Variants in FRMD5 observed in about 807,000 individuals in gnomAD.
FRMD5 encodes FERM domain-containing protein 5.
A neutral mutation model predicts 69.0 loss-of-function variants in FRMD5; 20 were observed. That is an observed-to-expected ratio of 0.29 (90% CI 0.20 to 0.42). FRMD5 has a LOEUF of 0.42. FRMD5 is among the 10% of genes least tolerant of loss of function. The pLI is 1.00. For missense variants in FRMD5, 595 were observed against 708.6 expected (o/e 0.84, Z 1.82); for synonymous variants, 271 against 260.1 (o/e 1.04, Z -0.40).
intron 1 of FRMD5, among the ~76,000 whole-genome samples, chr15:44,103,091 A>G (rs767957746): frequency 2.0e-5 from 3 of 152,186 alleles, no homozygotes; most frequent in Non-Finnish European, 4.4e-5. Flanking sequence ...TCAATTAGGA[A>G]GAAAAACCTC....
chr15:44,135,910 A>G (rs2077177283), intron 1 of FRMD5, among the ~76,000 whole-genome samples: 1 of 151,748 alleles, frequency 6.6e-6, no homozygotes, highest in Admixed American at 6.6e-5. Context: ...ATTTTTGCTT[A>G]TTTCCTGAAC....
At position 43,989,978 on chromosome 15, in the gene FRMD5, A is replaced by C. The variant is rs147504765; in HGVS notation, c.103-65669T>G. 5.2e-4 allele frequency: 535 copies of C among 1,023,448 alleles called. 4 individuals are homozygous for C. The African/African-American group carries it at 7.7e-3, about 15-fold the overall frequency. The allele number at this position is 1,023,448 out of a possible 1,614,324, so 63.4% of individuals were successfully genotyped here. A position where few individuals can be genotyped will look rare whatever the true frequency, so the allele number is the denominator to read the frequency against. On this transcript the variant is annotated intron_variant, in intron 1 of 13. Transcript: ENST00000417257. The stretch of plus-strand genomic sequence containing the variant: ...GTGACAATGTCCTGCTTGATGGGGT[A>C]CTTCAGGGTCAGGATGCCTCTCTTG...
chr15:43,896,085 C>T (rs1459923379), intron 7 of FRMD5, among the ~76,000 whole-genome samples: 1 of 152,182 alleles, frequency 6.6e-6, no homozygotes, highest in Non-Finnish European at 1.5e-5. Flanking sequence ...GAAATCAGTG[C>T]CCACAGGACT....
chr15:44,155,322 C>T (rs1430773790), intron 1 of FRMD5, among the ~76,000 whole-genome samples: 1 of 151,900 alleles, frequency 6.6e-6, no homozygotes, highest in Non-Finnish European at 1.5e-5. Flanking sequence ...GTCCCAGCTA[C>T]TCAGGAGGCT....
intron 1 of FRMD5, among the ~76,000 whole-genome samples, chr15:44,118,705 T>A (rs2076904481): frequency 6.6e-6 from 1 of 152,212 alleles, no homozygotes; most frequent in Non-Finnish European, 1.5e-5. Flanking sequence ...AATCTCAGAT[T>A]CAACCAGATC....
intron 1 of FRMD5, among the ~76,000 whole-genome samples, chr15:44,182,770 A>G (rs2078028180): frequency 6.6e-6 from 1 of 152,016 alleles, no homozygotes; most frequent in Non-Finnish European, 1.5e-5. Flanking sequence ...TTCACAGTAC[A>G]CTGAGAGACA....
At chr15:44,048,595 T>C (rs1374437904) in intron 1 of FRMD5, among the ~76,000 whole-genome samples, 1 of 152,078 alleles carries the variant, frequency 6.6e-6, no homozygotes. Flanking sequence ...TTTTTTGAGA[T>C]AGAGTCTCAC....
At chr15:44,079,248 C>G (rs565264801) in intron 1 of FRMD5, among the ~76,000 whole-genome samples, 6 of 150,586 alleles carry the variant, frequency 4.0e-5, no homozygotes, top group Non-Finnish European at 7.4e-5. Flanking sequence ...TGACTATTAT[C>G]AAAAAAAAAC....
chr15:43,917,762 G>T (rs1595516861), intron 4 of FRMD5: 2 of 152,422 alleles, frequency 1.3e-5, no homozygotes, highest in Non-Finnish European at 2.9e-5. Flanking sequence ...GATGGATTTG[G>T]TTTTCTGAAG....
chr15:43,943,967 C>G (rs2089903635), intron 1 of FRMD5, among the ~76,000 whole-genome samples: 1 of 152,194 alleles, frequency 6.6e-6, no homozygotes, highest in Admixed American at 6.5e-5. Flanking sequence ...ACCCCTCTTT[C>G]TACTTAGAGC....
intron 1 of FRMD5, among the ~76,000 whole-genome samples, chr15:43,960,071 C>G (rs1312633571): frequency 6.6e-6 from 1 of 151,872 alleles, no homozygotes; most frequent in Non-Finnish European, 1.5e-5. Flanking sequence ...ACATGCGCCA[C>G]CATGCCCAGC....
At chr15:44,154,252 A>C (rs183132446) in intron 1 of FRMD5, among the ~76,000 whole-genome samples, 1 of 152,016 alleles carries the variant, frequency 6.6e-6, no homozygotes, top group Non-Finnish European at 1.5e-5. Flanking sequence ...GAGCCTGGGG[A>C]GGTTGAGGCT....
chr15:44,142,389 G>T (rs548989149), intron 1 of FRMD5, among the ~76,000 whole-genome samples: 4 of 152,136 alleles, frequency 2.6e-5, no homozygotes, highest in African/African-American at 9.7e-5. Flanking sequence ...TGATTTTAGT[G>T]AACACATGGT....
chr15:44,075,227 CCT>C (rs1214282006), intron 1 of FRMD5, among the ~76,000 whole-genome samples: 1 of 152,132 alleles, frequency 6.6e-6, no homozygotes, highest in African/African-American at 2.4e-5. Flanking sequence ...CAGAAAATAT[CCT>C]CTCCCTGGCT....
intron 1 of FRMD5, among the ~76,000 whole-genome samples, chr15:43,970,202 A>C (rs766033239): frequency 1.3e-5 from 2 of 152,230 alleles, no homozygotes; most frequent in Non-Finnish European, 2.9e-5. Flanking sequence ...AAACATCAGA[A>C]GACAACCCAG....
chr15:44,142,182 T>G (rs1483380437), intron 1 of FRMD5, among the ~76,000 whole-genome samples: 1 of 152,208 alleles, frequency 6.6e-6, no homozygotes, highest in Non-Finnish European at 1.5e-5. Context: ...GAAAATGTCC[T>G]CTTAATTAAT....
chr15:44,079,900 G>C (rs1893927291), intron 1 of FRMD5, among the ~76,000 whole-genome samples: 1 of 152,000 alleles, frequency 6.6e-6, no homozygotes, highest in African/African-American at 2.4e-5. Flanking sequence ...GACGAATATT[G>C]TATGATTACA....
chr15:44,166,604 G>A (rs1398255936), intron 1 of FRMD5, among the ~76,000 whole-genome samples: 1 of 151,530 alleles, frequency 6.6e-6, no homozygotes, highest in Non-Finnish European at 1.5e-5. Context: ...GGTCAATGTG[G>A]CAAACCCCAT....
intron 1 of FRMD5, among the ~76,000 whole-genome samples, chr15:43,931,938 G>C (rs559145556): frequency 3.9e-5 from 6 of 152,268 alleles, no homozygotes; most frequent in African/African-American, 1.4e-4. Context: ...GAAGGCAAAG[G>C]CTTTGAGAAC....
Sources: gnomAD v4.1 joint callset for allele counts (sites outside exome capture counted in the v4.1 genomes callset) on GRCh38, gnomAD v4.1.1 for gene constraint, MANE v1.5 for transcripts, NCBI Gene and HGNC (gene_info 2026-07-23, HGNC 2026-07-21) for gene names.